WDPCP: variants seen among roughly 807,000 people sequenced by gnomAD.
WDPCP encodes WD repeat containing planar cell polarity effector.
Under a neutral mutation model 93.1 loss-of-function variants are expected in WDPCP, and 71 were observed. The ratio of observed to expected loss-of-function variants is 0.76; its 90% CI spans 0.63 to 0.93. The LOEUF is 0.93. Ranked by LOEUF, WDPCP falls within the 40% of genes least tolerant of loss-of-function variation. WDPCP has a pLI of 0.00. For synonymous variants in WDPCP, 315 were observed against 315.0 expected, an observed-to-expected ratio of 1.00 and a Z score of 0.00; for missense variants, 844 against 887.4, an observed-to-expected ratio of 0.95 and a Z score of 0.62.
At chr2:63,295,880 CAAAAAAAAA>C (rs59418675) in intron 13 of WDPCP, among the ~76,000 whole-genome samples, 1 of 115,250 alleles carries the variant, frequency 8.7e-6, no homozygotes, top group African/African-American at 3.4e-5. Context: ...GAAACTATTC[CAAAAAAAAA>C]AAAAAAAAAA....
chr2:63,403,851 A>G, intron 10 of WDPCP, 197 bp downstream of exon 10: 1 of 693,538 alleles, frequency 1.4e-6, no homozygotes, highest in Non-Finnish European at 2.3e-6. Context: ...TGCAATTTAC[A>G]AATTATTCAA....
chr2:63,320,427 C>T (rs115780969), intron 12 of WDPCP, among the ~76,000 whole-genome samples: 5 of 152,112 alleles, frequency 3.3e-5, no homozygotes, highest in African/African-American at 9.7e-5. Context: ...ATATAAAGAA[C>T]TCCATTACCT....
At chr2:63,619,062 T>A (rs1187396428) in intron 3 of WDPCP, among the ~76,000 whole-genome samples, 1 of 152,216 alleles carries the variant, frequency 6.6e-6, no homozygotes, top group African/African-American at 2.4e-5. Context: ...TCCTGATCCG[T>A]GTTAAAATGT....
chr2:63,346,354 A>G (rs2104505339), intron 12 of WDPCP, among the ~76,000 whole-genome samples: 1 of 152,248 alleles, frequency 6.6e-6, no homozygotes, highest in Non-Finnish European at 1.5e-5. Context: ...CTCAGTTACT[A>G]TGGAATAGCT....
intron 13 of WDPCP, among the ~76,000 whole-genome samples, chr2:63,295,941 A>G (rs1366731139): frequency 5.3e-5 from 8 of 151,726 alleles, no homozygotes; most frequent in Non-Finnish European, 1.2e-4. Context: ...TCATTCTACA[A>G]AACCAGTATC....
At chr2:63,578,067 T>C (rs1708235960) in intron 1 of WDPCP, among the ~76,000 whole-genome samples, 1 of 152,130 alleles carries the variant, frequency 6.6e-6, no homozygotes, top group African/African-American at 2.4e-5. Flanking sequence ...AAATACTAAA[T>C]GATGCGGTAA....
At chr2:63,258,519 A>G (rs1460943296) in intron 14 of WDPCP, among the ~76,000 whole-genome samples, 1 of 147,824 alleles carries the variant, frequency 6.8e-6, no homozygotes, top group Non-Finnish European at 1.5e-5. Context: ...AAAGGCTTGT[A>G]TAAGATTTTT....
At chr2:63,410,974 AG>A (rs1694980965) in intron 9 of WDPCP, among the ~76,000 whole-genome samples, 1 of 152,204 alleles carries the variant, frequency 6.6e-6, no homozygotes, top group African/African-American at 2.4e-5. Flanking sequence ...TAACAGCACT[AG>A]ACAGGTCATC....
chr2:63,819,008 C>T (rs1670979556), intron 1 of WDPCP, among the ~76,000 whole-genome samples: 1 of 152,016 alleles, frequency 6.6e-6, no homozygotes, highest in African/African-American at 2.4e-5. Flanking sequence ...TGTATACACA[C>T]ATATATATAA....
At chr2:63,530,416 G>T (rs1490008246) in intron 1 of WDPCP, among the ~76,000 whole-genome samples, 1 of 152,104 alleles carries the variant, frequency 6.6e-6, no homozygotes, top group Non-Finnish European at 1.5e-5. Context: ...GTTCTCATTG[G>T]TTTCAAAGAA....
chr2:63,748,879 T>C (rs887841193), intron 2 of WDPCP, among the ~76,000 whole-genome samples: 1 of 152,092 alleles, frequency 6.6e-6, no homozygotes, highest in African/African-American at 2.4e-5. Context: ...ATACTATAGA[T>C]TAATTTGCAT....
At chr2:63,197,562 T>C (rs557486671) in intron 14 of WDPCP, among the ~76,000 whole-genome samples, 32 of 152,330 alleles carry the variant, frequency 2.1e-4, no homozygotes, top group African/African-American at 6.0e-4. Flanking sequence ...AGCCTACCTA[T>C]TGAAGTACAT....
chr2:63,247,203 G>A (rs975193880), intron 14 of WDPCP, among the ~76,000 whole-genome samples: 7 of 152,104 alleles, frequency 4.6e-5, no homozygotes, highest in African/African-American at 9.7e-5. Context: ...AAAATAAAAT[G>A]CCCTATGCAG....
intron 3 of WDPCP, chr2:63,622,798 G>T: frequency 6.2e-7 from 1 of 1,612,266 alleles, no homozygotes; most frequent in Non-Finnish European, 8.5e-7. Flanking sequence ...CAGGAACTCC[G>T]GAGCACGCTC....
intron 15 of WDPCP, among the ~76,000 whole-genome samples, chr2:63,154,505 C>G (rs1467709114): frequency 6.6e-6 from 1 of 152,108 alleles, no homozygotes; most frequent in Non-Finnish European, 1.5e-5. Flanking sequence ...TATTGCTGAG[C>G]AGTATTCCAT....
exon 3 of WDPCP, chr2:63,650,749 T>TG (rs1710099585): frequency 6.6e-6 from 1 of 152,180 alleles, no homozygotes; most frequent in Non-Finnish European, 1.5e-5. Flanking sequence ...CCAGCTGGCA[T>TG]GGACTTCATG....
intron 14 of WDPCP, among the ~76,000 whole-genome samples, chr2:63,241,505 G>A (rs1057480611): frequency 6.6e-6 from 1 of 152,136 alleles, no homozygotes; most frequent in African/African-American, 2.4e-5. Context: ...TTTACAATAA[G>A]ATATTTAAAG....
chr2:63,194,650 T>C (rs1675289367), intron 14 of WDPCP, among the ~76,000 whole-genome samples: 1 of 152,194 alleles, frequency 6.6e-6, no homozygotes. Flanking sequence ...TAGTCATTCT[T>C]TGGGGAGATG....
At chr2:63,804,002 T>C (rs974216472) in intron 2 of WDPCP, among the ~76,000 whole-genome samples, 8 of 152,158 alleles carry the variant, frequency 5.3e-5, no homozygotes, top group East Asian at 3.8e-4. Flanking sequence ...CTGAGAAAAA[T>C]TGGCATTGAA....
Sources: gnomAD v4.1 joint callset for allele counts (sites outside exome capture counted in the v4.1 genomes callset) on GRCh38, gnomAD v4.1.1 for gene constraint, MANE v1.5 for transcripts, NCBI Gene and HGNC (gene_info 2026-07-23, HGNC 2026-07-21) for gene names.